Variants in NRG2 observed in about 807,000 individuals in gnomAD.
The protein encoded by NRG2 is pro-neuregulin-2, membrane-bound isoform.
NRG2 carries 27 observed loss-of-function variants against 73.9 expected under a neutral mutation model. The ratio of observed to expected loss-of-function variants is 0.37; its 90% confidence interval spans 0.27 to 0.50. NRG2 has a LOEUF of 0.50. NRG2 is among the 20% of genes least tolerant of loss of function. The pLI, the probability that NRG2 is intolerant of heterozygous loss-of-function variation, is 0.96. For synonymous variants in NRG2, 532 were observed against 541.0 expected, an observed-to-expected ratio of 0.98 and a Z score of 0.23; for missense variants, 1,126 against 1,210.1, an observed-to-expected ratio of 0.93 and a Z score of 1.03.
At chr5:139,939,086 C>A (rs1048632487) in intron 1 of NRG2, among the ~76,000 whole-genome samples, 1 of 151,706 alleles carries the variant, frequency 6.6e-6, no homozygotes, top group Non-Finnish European at 1.5e-5. Flanking sequence ...ACCCTTAGAT[C>A]ACACCATACA....
intron 1 of NRG2, among the ~76,000 whole-genome samples, chr5:140,032,025 T>C (rs1250114365): frequency 5.9e-5 from 9 of 152,008 alleles, no homozygotes; most frequent in Admixed American, 5.9e-4. Context: ...CAAAAACCAG[T>C]GATCAAAGGA....
intron 1 of NRG2, among the ~76,000 whole-genome samples, chr5:139,986,417 T>C (rs1236328008): frequency 6.6e-6 from 1 of 152,094 alleles, no homozygotes; most frequent in African/African-American, 2.4e-5. Context: ...ATACACACAG[T>C]CTTTAAGATA....
At chr5:139,918,983 G>GT (rs1178497785) in intron 1 of NRG2, among the ~76,000 whole-genome samples, 1 of 152,164 alleles carries the variant, frequency 6.6e-6, no homozygotes, top group Non-Finnish European at 1.5e-5. Flanking sequence ...AATAGGGTGA[G>GT]TCAACAAGTA....
rs1439328934 is a variant in NRG2, at chr5:139,880,860, G to A, written c.987C>T (p.Asn329=). Residue 329 remains asparagine (N), a synonymous_variant, in exon 3 of 10, where the codon AAC becomes AAT. Transcript: ENST00000361474. ...KDTVRGRLYV[N]SVSTTLSSWS... ...CCTCTGTCTGGGCCCACCTACCGCT[G>A]TTGACGTAAAGCCGGCCCCGGACGG... 1 of 1,613,610 alleles carries A rather than the reference G, an allele frequency of 6.2e-7. No homozygotes were observed. Among genetic ancestry groups the A allele is most frequent in the Non-Finnish European group, 8.5e-7 (1 of 1,179,666 alleles).
intron 1 of NRG2, among the ~76,000 whole-genome samples, chr5:139,910,399 A>C (rs1426711289): frequency 2.6e-5 from 4 of 152,226 alleles, no homozygotes; most frequent in Non-Finnish European, 4.4e-5. Context: ...AACTTCACTG[A>C]TTCCTGGAAC....
In NRG2 at chr5:139,851,514, G is replaced by A. The variant is rs1432738522; in HGVS notation, c.1772+90C>T. ...AAAAATGGAGATGAGGCTCTTTGGA[G>A]TGTTTCTGAGGGGCCCTAAGGGTCA... On this transcript the variant is annotated intron_variant, in intron 9 of 9. Transcript: ENST00000361474. The surrounding 1 kb of genome is among the most constrained non-coding windows in gnomAD (Gnocchi z 4.2). 3.3e-6 allele frequency: 4 copies of A among 1,225,950 alleles called. No homozygotes were observed. In the African/African-American group the frequency reaches 4.5e-5, roughly 14 times the overall value. 75.9% of individuals were successfully genotyped at this position (1,225,950 alleles called of 1,614,324 possible). A position where few individuals can be genotyped will look rare whatever the true frequency, so the allele number is the denominator to read the frequency against.
chr5:139,908,988 A>G (rs544934769), intron 1 of NRG2, among the ~76,000 whole-genome samples: 1 of 152,218 alleles, frequency 6.6e-6, no homozygotes, highest in Admixed American at 6.5e-5. Flanking sequence ...GCCTGTTGCC[A>G]TGGGAACTCT....
At chr5:139,989,910 T>C (rs1472971232) in intron 1 of NRG2, among the ~76,000 whole-genome samples, 1 of 151,474 alleles carries the variant, frequency 6.6e-6, no homozygotes, top group Non-Finnish European at 1.5e-5. Context: ...TGCCTCAGCC[T>C]CCCGAGTAGC....
chr5:139,980,773 T>G (rs1756737164), intron 1 of NRG2, among the ~76,000 whole-genome samples: 1 of 152,222 alleles, frequency 6.6e-6, no homozygotes, highest in African/African-American at 2.4e-5. Context: ...TTCCCTTCCC[T>G]GTCTCTTCTT....
chr5:140,014,444 C>T (rs916494694), intron 1 of NRG2, among the ~76,000 whole-genome samples: 3 of 152,018 alleles, frequency 2.0e-5, no homozygotes, highest in African/African-American at 7.3e-5. Flanking sequence ...GCCATGTTGC[C>T]CAGGCTGGTC....
At chr5:139,895,998 G>A (rs891923006) in intron 1 of NRG2, among the ~76,000 whole-genome samples, 1 of 152,204 alleles carries the variant, frequency 6.6e-6, no homozygotes, top group Non-Finnish European at 1.5e-5. Context: ...CATCCTCTTT[G>A]GGGTGGGCCT....
chr5:139,850,975 C>A (rs1172641357), intron 9 of NRG2, among the ~76,000 whole-genome samples: 1 of 151,962 alleles, frequency 6.6e-6, no homozygotes, highest in Non-Finnish European at 1.5e-5. Context: ...CAGAACAGCC[C>A]CTGTTTGTTC....
At chr5:139,974,977 C>T (rs1353777185) in intron 1 of NRG2, among the ~76,000 whole-genome samples, 1 of 152,236 alleles carries the variant, frequency 6.6e-6, no homozygotes, top group Non-Finnish European at 1.5e-5. Context: ...GGCCATGCGC[C>T]CCCTGTGTGG....
At chr5:139,897,286 C>T (rs1277834649) in intron 1 of NRG2, among the ~76,000 whole-genome samples, 1 of 152,234 alleles carries the variant, frequency 6.6e-6, no homozygotes, top group African/African-American at 2.4e-5. Context: ...CAGTCTCATC[C>T]ACTTTTAAGA....
intron 3 of NRG2, among the ~76,000 whole-genome samples, chr5:139,874,991 C>T (rs1040347921): frequency 6.6e-6 from 1 of 152,206 alleles, no homozygotes; most frequent in Non-Finnish European, 1.5e-5. Context: ...AGCATAATTA[C>T]ATGACTAAGT....
chr5:139,977,983 T>C (rs1756504081), intron 1 of NRG2, among the ~76,000 whole-genome samples: 1 of 152,054 alleles, frequency 6.6e-6, no homozygotes, highest in Admixed American at 6.5e-5. Context: ...CCTAAAACCA[T>C]AAAAACCCTA....
Position 140,042,289 on chromosome 5 carries a change from G to A in NRG2, c.700+81C>T, listed in dbSNP as rs1179264598. On this transcript the variant is annotated intron_variant, in intron 1 of 9. Transcript: ENST00000361474. ...CGGACGCTGCCAGGCCCGGGCACCT[G>A]CAGCACCTCCCCGCCCCACCCCCAT... 1.8e-5 allele frequency: 9 copies of A among 504,060 alleles called. No individual in the cohort carries two copies. The East Asian group carries it at 1.1e-3, about 61-fold the overall frequency. 31.2% of individuals were successfully genotyped at this position (504,060 alleles called of 1,614,324 possible). A position where few individuals can be genotyped will look rare whatever the true frequency, so the allele number is the denominator to read the frequency against.
Position 139,895,964 on chromosome 5 carries a change from G to T in NRG2, c.701-8453C>A, listed in dbSNP as rs576425461. On this transcript the variant is annotated intron_variant, in intron 1 of 9. Coordinates refer to ENST00000361474, the MANE Select transcript of NRG2 (RefSeq NM_004883.3). ...CTCTTGCTCAGGGAATTCAGAAAGGGCCAAGAAGGGGATCCCAGAGCCCCA... is the reference window on the plus strand; with the variant it reads ...CTCTTGCTCAGGGAATTCAGAAAGGTCCAAGAAGGGGATCCCAGAGCCCCA... 3.3e-5 allele frequency among the ~76,000 whole-genome samples: 5 copies of T among 152,332 alleles called. No individual in the cohort carries two copies. The South Asian group carries it at 1.0e-3, about 32-fold the overall frequency.
intron 1 of NRG2, among the ~76,000 whole-genome samples, chr5:140,036,358 C>T (rs1463976289): frequency 6.6e-6 from 1 of 152,182 alleles, no homozygotes; most frequent in African/African-American, 2.4e-5. Flanking sequence ...AGCTCTTTGC[C>T]TGGGTACAGA....
Sources: gnomAD v4.1 joint callset for allele counts (sites outside exome capture counted in the v4.1 genomes callset) on GRCh38, gnomAD v4.1.1 for gene constraint, Gnocchi (gnomAD v3.1) non-coding constraint, MANE v1.5 for transcripts, NCBI Gene and HGNC (gene_info 2026-07-23, HGNC 2026-07-21) for gene names.